Variants in ROCK1 observed in about 807,000 individuals in gnomAD.
ROCK1 encodes the protein rho-associated protein kinase 1.
In ROCK1, 36 loss-of-function variants were observed where a neutral mutation model predicts 196.8. The observed-to-expected ratio is 0.18, with a 90% CI of 0.14 to 0.24. The LOEUF is 0.24. Ranked by LOEUF, ROCK1 falls within the 10% of genes least tolerant of loss-of-function variation. The pLI, the probability that ROCK1 is intolerant of heterozygous loss-of-function variation, is 1.00. For synonymous variants in ROCK1, 443 were observed against 515.9 expected, an observed-to-expected ratio of 0.86 and a Z score of 1.91; for missense variants, 920 against 1,562.0, an observed-to-expected ratio of 0.59 and a Z score of 6.93.
rs35084641 is a variant in ROCK1 at position 20,987,577 on chromosome 18, A to G, written c.2144-467T>C. ...ATTCAGATGAATAAGATTCCACAGTAGTATACCTCTTTTAATTATTACTGG... is the reference window on the plus strand; with the variant it reads ...ATTCAGATGAATAAGATTCCACAGTGGTATACCTCTTTTAATTATTACTGG... On this transcript the variant is annotated intron_variant, in intron 18 of 32. Transcript: ENST00000399799. 6.4e-3 allele frequency among the ~76,000 whole-genome samples: 979 copies of G among 152,322 alleles called. 10 individuals carry two copies. Among genetic ancestry groups the G allele is most frequent in the South Asian group, 0.022 (106 of 4,832 alleles).
At chr18:21,031,254 A>C (rs2036003620) in intron 9 of ROCK1, among the ~76,000 whole-genome samples, 1 of 152,162 alleles carries the variant, frequency 6.6e-6, no homozygotes, top group Non-Finnish European at 1.5e-5. Flanking sequence ...ACAACAAAAA[A>C]TTACAAAGCA....
At chr18:20,961,986 G>T (rs549207761) in intron 27 of ROCK1, among the ~76,000 whole-genome samples, 1 of 151,886 alleles carries the variant, frequency 6.6e-6, no homozygotes, top group Non-Finnish European at 1.5e-5. Context: ...TAGTTCCTTG[G>T]TAAGTTTTGT....
At chr18:20,952,733 C>T (rs1472875055) in intron 32 of ROCK1, among the ~76,000 whole-genome samples, 1 of 150,854 alleles carries the variant, frequency 6.6e-6, no homozygotes, top group African/African-American at 2.4e-5. Flanking sequence ...TGAGATAGCG[C>T]CACCACTGCA....
At chr18:21,081,953 TG>T (rs2036486171) in intron 1 of ROCK1, among the ~76,000 whole-genome samples, 1 of 152,192 alleles carries the variant, frequency 6.6e-6, no homozygotes, top group Non-Finnish European at 1.5e-5. Flanking sequence ...TTTATTTGTT[TG>T]TTTTTTCCTT....
At chr18:21,044,934 T>C (rs1459996452) in intron 5 of ROCK1, 1 of 166,378 alleles carries the variant, frequency 6.0e-6, no homozygotes, top group Non-Finnish European at 1.3e-5. Flanking sequence ...AGATCTCAGC[T>C]CACTGAAACC....
rs766796458 is a variant in ROCK1, at chr18:20,951,398, AG to A, written c.4062-12del. The A allele has an allele frequency of 1.3e-6, 2 of 1,590,708 alleles. No individual in the cohort carries two copies. The highest frequency in any genetic ancestry group is 1.3e-5 in the African/African-American group (1 of 74,192). ...CAGTCACATGGTTAACTGTTGAGGG[AG>A]GGGGAAAAAACTAATTTAAGAAATG... On this transcript the variant is annotated splice_polypyrimidine_tract_variant and intron_variant, in intron 32 of 32. Transcript: ENST00000399799.
chr18:21,062,704 A>G (rs1057090430), intron 2 of ROCK1, among the ~76,000 whole-genome samples: 1 of 152,128 alleles, frequency 6.6e-6, no homozygotes, highest in Admixed American at 6.5e-5. Context: ...GCCAGACACT[A>G]CCTTAAACCA....
At chr18:21,068,465 A>G (rs1370939367) in intron 2 of ROCK1, among the ~76,000 whole-genome samples, 2 of 152,174 alleles carry the variant, frequency 1.3e-5, no homozygotes, top group Non-Finnish European at 2.9e-5. Flanking sequence ...GGTCCTTTAC[A>G]TTTCCATATG....
intron 1 of ROCK1, among the ~76,000 whole-genome samples, chr18:21,093,709 T>C (rs1023498452): frequency 5.3e-5 from 8 of 152,092 alleles, no homozygotes; most frequent in African/African-American, 1.9e-4. Flanking sequence ...ATCCCAGCAC[T>C]CTGGGAGGCC....
chr18:21,080,466 C>G (rs1193313032), intron 1 of ROCK1, among the ~76,000 whole-genome samples: 1 of 152,012 alleles, frequency 6.6e-6, no homozygotes, highest in East Asian at 1.9e-4. Context: ...TATTAAGAAA[C>G]CAAACAAATT....
At position 20,959,939 on chromosome 18, in the gene ROCK1, A is replaced by G; in HGVS notation, c.3424-11T>C. 1 of 1,524,870 alleles carries G rather than the reference A, an allele frequency of 6.6e-7. No individual in the cohort carries two copies. Among genetic ancestry groups the G allele is most frequent in the East Asian group, 2.3e-5 (1 of 44,194 alleles). 94.5% of individuals were successfully genotyped at this position (1,524,870 alleles called of 1,614,324 possible). On this transcript the variant is annotated splice_polypyrimidine_tract_variant and intron_variant, in intron 28 of 32. Coordinates refer to ENST00000399799, the MANE Select transcript of ROCK1 (RefSeq NM_005406.3). The stretch of plus-strand genomic sequence containing the variant: ...GCTTACCACAACATACTGAAATAAG[A>G]AAAAGGGGGGAAGAGTTACAAGAGC...
chr18:21,084,986 A>T (rs1479314518), intron 1 of ROCK1, among the ~76,000 whole-genome samples: 2 of 152,232 alleles, frequency 1.3e-5, no homozygotes, highest in Non-Finnish European at 2.9e-5. Flanking sequence ...AAATGAAATA[A>T]GCCAGACAAA....
chr18:21,063,899 G>GT (rs1252294161), intron 2 of ROCK1, among the ~76,000 whole-genome samples: 1 of 151,996 alleles, frequency 6.6e-6, no homozygotes, highest in African/African-American at 2.4e-5. Context: ...CCTATCTTTA[G>GT]TTTTTTGGGA....
intron 1 of ROCK1, among the ~76,000 whole-genome samples, chr18:21,082,208 G>A (rs2036488285): frequency 6.6e-6 from 1 of 152,018 alleles, no homozygotes; most frequent in South Asian, 2.1e-4. Flanking sequence ...CCAAAGTGCT[G>A]GGATTACAGA....
At chr18:21,061,431 C>A (rs1305079999) in intron 2 of ROCK1, among the ~76,000 whole-genome samples, 1 of 152,158 alleles carries the variant, frequency 6.6e-6, no homozygotes, top group Non-Finnish European at 1.5e-5. Context: ...AGGCTATACA[C>A]TGTATGATTC....
intron 16 of ROCK1, among the ~76,000 whole-genome samples, chr18:21,001,837 AAC>A (rs1205175060): frequency 6.6e-6 from 1 of 152,144 alleles, no homozygotes; most frequent in Non-Finnish European, 1.5e-5. Flanking sequence ...AAACTTTTAA[AAC>A]ACATTTTAAA....
chr18:21,020,807 T>C (rs1446709141), intron 11 of ROCK1, among the ~76,000 whole-genome samples: 1 of 152,196 alleles, frequency 6.6e-6, no homozygotes, highest in Non-Finnish European at 1.5e-5. Context: ...AATCAAGTAC[T>C]ATAGCAGAGC....
At chr18:21,007,433 T>A (rs1357552148) in intron 14 of ROCK1, among the ~76,000 whole-genome samples, 9 of 152,202 alleles carry the variant, frequency 5.9e-5, no homozygotes, top group Non-Finnish European at 8.8e-5. Context: ...ACAGCATTCA[T>A]TACCTTTATG....
At chr18:21,065,752 A>T (rs1253463737) in intron 2 of ROCK1, among the ~76,000 whole-genome samples, 1 of 152,176 alleles carries the variant, frequency 6.6e-6, no homozygotes, top group African/African-American at 2.4e-5. Flanking sequence ...AGGCTGATAA[A>T]CATCTTCTTT....
Sources: gnomAD v4.1 joint callset for allele counts (sites outside exome capture counted in the v4.1 genomes callset) on GRCh38, gnomAD v4.1.1 for gene constraint, MANE v1.5 for transcripts, NCBI Gene and HGNC (gene_info 2026-07-23, HGNC 2026-07-21) for gene names.